The following SMIM14 variants were observed in gnomAD, a reference collection of about 807,000 sequenced individuals.
SMIM14 encodes small integral membrane protein 14.
A neutral mutation model predicts 12.6 loss-of-function variants in SMIM14; 5 were observed. The observed-to-expected ratio is 0.40, with a 90% CI of 0.21 to 0.83. The LOEUF is 0.83. SMIM14 is among the 40% of genes least tolerant of loss of function. SMIM14 has a pLI of 0.37. For missense variants in SMIM14, 86 were observed against 119.1 expected, an observed-to-expected ratio of 0.72 and a Z score of 1.29; for synonymous variants, 30 against 40.1, an observed-to-expected ratio of 0.75 and a Z score of 0.95.
intron 2 of SMIM14, among the ~76,000 whole-genome samples, chr4:39,600,814 T>G (rs965537337): frequency 1.5e-4 from 23 of 152,118 alleles, no homozygotes; most frequent in African/African-American, 5.1e-4. Flanking sequence ...GACGTTGCAG[T>G]GAGCAGAGAT....
At chr4:39,564,566 A>G (rs1056937001) in intron 3 of SMIM14, among the ~76,000 whole-genome samples, 4 of 152,202 alleles carry the variant, frequency 2.6e-5, no homozygotes, top group African/African-American at 9.6e-5. Context: ...TTCAACCTAT[A>G]CTTTCATATT....
chr4:39,602,422 C>T (rs1350496029), intron 2 of SMIM14, among the ~76,000 whole-genome samples: 2 of 152,044 alleles, frequency 1.3e-5, no homozygotes, highest in East Asian at 1.9e-4. Flanking sequence ...TGGTAAAACC[C>T]CATCTCTACT....
chr4:39,638,761 G>C lies in SMIM14; in HGVS notation c.-58C>G, dbSNP rs1716201728. ...CACCCGCCCAGACAACAACCGATGG[G>C]GCGGGGAGGATGGGGGCCGGGACCG... On this transcript the variant is annotated 5_prime_UTR_variant, in exon 1 of 5. Transcript: ENST00000295958. 1 of 985,408 alleles carries C rather than the reference G, an allele frequency of 1.0e-6. No homozygotes were observed. The highest frequency in any genetic ancestry group is 6.1e-5 in the Admixed American group (1 of 16,266). The allele number at this position is 985,408 out of a possible 1,614,324, so 61.0% of individuals were successfully genotyped here. A position where few individuals can be genotyped will look rare whatever the true frequency, so the allele number is the denominator to read the frequency against.
rs1417203483 is a variant in SMIM14 at position 39,548,256 on chromosome 4, G to A, written c.*3870C>T. On this transcript the variant is annotated 3_prime_UTR_variant, in exon 5 of 5. Transcript: ENST00000295958. ...TTCCAATGTTAACTTTTCCCACATGGAAAGCAAAACAAAACAAAACAAAAC... is the reference window on the plus strand; with the variant it reads ...TTCCAATGTTAACTTTTCCCACATGAAAAGCAAAACAAAACAAAACAAAAC... The A allele has an allele frequency of 6.6e-6, 1 of 151,046 alleles. No homozygotes were observed. The highest frequency in any genetic ancestry group is 6.6e-5 in the Admixed American group (1 of 15,146). 9.4% of individuals were successfully genotyped at this position (151,046 alleles called of 1,614,324 possible).
At chr4:39,602,866 G>A (rs1714669599) in intron 2 of SMIM14, among the ~76,000 whole-genome samples, 1 of 152,164 alleles carries the variant, frequency 6.6e-6, no homozygotes, top group Admixed American at 6.6e-5. Flanking sequence ...GCAACACTAA[G>A]CAAGCAGAAA....
intron 1 of SMIM14, among the ~76,000 whole-genome samples, chr4:39,619,206 AT>A (rs1560306796): frequency 3.5e-5 from 5 of 141,502 alleles, no homozygotes; most frequent in Non-Finnish European, 6.1e-5. Flanking sequence ...TATTCTATAT[AT>A]CAATAAATAT....
At chr4:39,561,231 G>C (rs1578312499) in intron 3 of SMIM14, among the ~76,000 whole-genome samples, 2 of 152,144 alleles carry the variant, frequency 1.3e-5, no homozygotes, top group Admixed American at 6.5e-5. Context: ...TGTCAGCACT[G>C]AATAAGTTTC....
At chr4:39,626,262 T>C (rs2110079208) in intron 1 of SMIM14, among the ~76,000 whole-genome samples, 1 of 151,744 alleles carries the variant, frequency 6.6e-6, no homozygotes, top group African/African-American at 2.4e-5. Flanking sequence ...AAATGGTCCC[T>C]GGTGCAAAAA....
Position 39,619,869 on chromosome 4 carries a change from TATATA to T in SMIM14, c.-35-14694_-35-14690del, listed in dbSNP as rs1213607683. ...ATATATTTATATATATTTATATATA[TATATA>T]TATTTTTTTTTTTTTAAGAGCAAGA... On this transcript the variant is annotated intron_variant, in intron 1 of 4. Coordinates refer to ENST00000295958, the MANE Select transcript of SMIM14 (RefSeq NM_174921.3). Among the ~76,000 whole-genome samples, 15 of 86,244 alleles carry T rather than the reference TATATA, an allele frequency of 1.7e-4. No individual in the cohort carries two copies. The Admixed American group carries it at 1.8e-3, about 10-fold the overall frequency. 56.6% of individuals were successfully genotyped at this position (86,244 alleles called of 152,430 possible).
intron 3 of SMIM14, among the ~76,000 whole-genome samples, chr4:39,559,652 G>T (rs914590489): frequency 2.0e-5 from 3 of 152,158 alleles, no homozygotes; most frequent in Non-Finnish European, 2.9e-5. Flanking sequence ...AGGCCAAAAG[G>T]CTAGTGATAA....
At chr4:39,572,267 G>A (rs1282283809) in intron 3 of SMIM14, 148 bp downstream of exon 3, 4 of 536,366 alleles carry the variant, frequency 7.5e-6, no homozygotes, top group South Asian at 2.7e-5. Flanking sequence ...TCTTTTGTGC[G>A]TATGTGTCGC....
chr4:39,552,984 C>G (rs1172083160), intron 4 of SMIM14, among the ~76,000 whole-genome samples: 1 of 151,950 alleles, frequency 6.6e-6, no homozygotes, highest in Non-Finnish European at 1.5e-5. Flanking sequence ...AGTGGAACTA[C>G]TATTCCTAGA....
intron 2 of SMIM14, among the ~76,000 whole-genome samples, chr4:39,599,181 G>C (rs893436431): frequency 6.6e-6 from 1 of 152,120 alleles, no homozygotes; most frequent in Non-Finnish European, 1.5e-5. Flanking sequence ...TTTTGCTGTT[G>C]AGAAGTCTAA....
chr4:39,574,154 A>G (rs566371022), intron 2 of SMIM14, among the ~76,000 whole-genome samples: 96 of 152,102 alleles, frequency 6.3e-4, no homozygotes, highest in African/African-American at 2.2e-3. Flanking sequence ...TGGGACGGCA[A>G]CTATGGTGCA....
At chr4:39,574,235 TTC>T in intron 2 of SMIM14, among the ~76,000 whole-genome samples, 1 of 130,960 alleles carries the variant, frequency 7.6e-6, no homozygotes, top group Non-Finnish European at 1.6e-5. Context: ...TTCTGCAACT[TTC>T]TTTTTTTTTT....
At chr4:39,577,430 CT>C (rs36049094) in intron 2 of SMIM14, among the ~76,000 whole-genome samples, 78,084 of 136,734 alleles carry the variant, frequency 0.57, 24,087 homozygotes, top group Middle Eastern at 0.78. Flanking sequence ...CCCTTTCAGC[CT>C]TTTTTTTTTT....
intron 3 of SMIM14, among the ~76,000 whole-genome samples, chr4:39,564,959 C>A (rs894569441): frequency 6.6e-6 from 1 of 152,180 alleles, no homozygotes; most frequent in African/African-American, 2.4e-5. Flanking sequence ...CGCCTGTAAT[C>A]CCAGCACTTT....
chr4:39,594,156 T>G (rs2110043155), intron 2 of SMIM14: 1 of 152,254 alleles, frequency 6.6e-6, no homozygotes, highest in Non-Finnish European at 1.5e-5. Flanking sequence ...CAAACTATAC[T>G]ACAAGGCTAC....
intron 2 of SMIM14, among the ~76,000 whole-genome samples, chr4:39,574,777 G>T (rs1203542300): frequency 1.3e-5 from 2 of 152,054 alleles, no homozygotes; most frequent in Admixed American, 6.6e-5. Context: ...ACAACTAAAC[G>T]AATCATTTTG....
Sources: allele counts gnomAD v4.1 joint callset (sites outside exome capture counted in the v4.1 genomes callset), GRCh38; gene constraint gnomAD v4.1.1; transcripts MANE v1.5; gene names NCBI Gene and HGNC (gene_info 2026-07-23, HGNC 2026-07-21).